LYRM1: variants seen among roughly 807,000 people sequenced by gnomAD.
LYRM1 encodes the protein LYR motif-containing protein 1.
A neutral mutation model predicts 14.9 loss-of-function variants in LYRM1; 14 were observed. The observed-to-expected ratio is 0.94, with a 90% CI of 0.62 to 1.47. The LOEUF (loss-of-function observed/expected upper bound fraction) is 1.47. LYRM1 is among the 40% of genes most tolerant of loss of function. LYRM1 has a pLI of 0.00. For missense variants in LYRM1, 153 were observed against 149.9 expected, an observed-to-expected ratio of 1.02 and a Z score of -0.11; for synonymous variants, 43 against 56.2, an observed-to-expected ratio of 0.77 and a Z score of 1.05.
rs891726038 is a variant in LYRM1, at chr16:20,906,233, A to G, written c.-1+5344A>G. Among the ~76,000 whole-genome samples, 9 of 152,310 alleles carry G rather than the reference A, an allele frequency of 5.9e-5. No individual in the cohort carries two copies. In the East Asian group the frequency reaches 1.7e-3, roughly 29 times the overall value. On this transcript the variant is annotated intron_variant, in intron 1 of 3. Transcript: ENST00000567954. ...GGGACACTGACCCAGCCCCAGTGTG[A>G]AAAGGGCACCCGTCCAGAAGTGATG...
intron 1 of LYRM1, among the ~76,000 whole-genome samples, chr16:20,909,004 A>G (rs776070740): frequency 6.6e-6 from 1 of 152,254 alleles, no homozygotes; most frequent in East Asian, 1.9e-4. Flanking sequence ...ATCACATAAA[A>G]TCTAAATCAC....
Position 20,924,665 on chromosome 16 carries a change from A to G in LYRM1, c.*549A>G, listed in dbSNP as rs2083367773. On this transcript the variant is annotated 3_prime_UTR_variant, in exon 4 of 4. Transcript: ENST00000567954. ...TGACCATGGTTTTTCATGAAATTTT[A>G]TGAGATTTCTGCCTTAACAAAATGC... is the stretch of plus-strand genomic sequence containing the variant. 1 of 152,262 alleles carries G rather than the reference A, an allele frequency of 6.6e-6. No individual in the cohort carries two copies. Among genetic ancestry groups the G allele is most frequent in the South Asian group, 2.1e-4 (1 of 4,834 alleles). The allele number at this position is 152,262 out of a possible 1,614,324, so 9.4% of individuals were successfully genotyped here.
intron 2 of LYRM1, among the ~76,000 whole-genome samples, chr16:20,918,654 C>G (rs1168510276): frequency 6.6e-6 from 1 of 152,176 alleles, no homozygotes; most frequent in Admixed American, 6.6e-5. Context: ...ATATCTTTGT[C>G]AAGGGCTTTT....
chr16:20,921,443 C>T (rs1000077534), intron 3 of LYRM1: 2 of 152,020 alleles, frequency 1.3e-5, no homozygotes, highest in African/African-American at 4.8e-5. Context: ...TACTCTGTCG[C>T]CCAGGCTGGA....
rs3841490 is a variant in LYRM1 at position 20,904,691 on chromosome 16, TTGTGTGTGTGTGTGTGTG to T, written c.-1+3820_-1+3837del. Among the ~76,000 whole-genome samples the T allele has an allele frequency of 5.3e-3, 750 of 141,146 alleles. 20 individuals carry two copies. Among genetic ancestry groups the T allele is most frequent in the Admixed American group, 0.048 (671 of 14,100 alleles). 92.6% of individuals were successfully genotyped at this position (141,146 alleles called of 152,430 possible). On this transcript the variant is annotated intron_variant, in intron 1 of 3. Coordinates refer to ENST00000567954, the MANE Select transcript of LYRM1 (RefSeq NM_001128302.3). ...TCTGAAACAGGAAATAAGTCTGTGG[TTGTGTGTGTGTGTGTGTG>T]TGTGTGTGTGTGTGTGTTTAATTGA...
intron 1 of LYRM1, among the ~76,000 whole-genome samples, chr16:20,908,865 T>C (rs192065609): frequency 4.9e-4 from 74 of 152,316 alleles, no homozygotes; most frequent in African/African-American, 1.8e-3. Context: ...GACAGAAGTA[T>C]GACATGGCAA....
In LYRM1 at chr16:20,924,945, T is replaced by C. The variant is rs2083377242; in HGVS notation, c.*829T>C. 6.6e-6 allele frequency: 1 copy of C among 152,210 alleles called. No individual in the cohort carries two copies. The highest frequency in any genetic ancestry group is 2.4e-5 in the African/African-American group (1 of 41,450). The allele number at this position is 152,210 out of a possible 1,614,324, so 9.4% of individuals were successfully genotyped here. ...CCTTGGTGAGTCATTTGTACATCAGTGTCATTTCTTCTTAACCTCTGAAGA... is the reference window on the plus strand; with the variant it reads ...CCTTGGTGAGTCATTTGTACATCAGCGTCATTTCTTCTTAACCTCTGAAGA... On this transcript the variant is annotated 3_prime_UTR_variant, in exon 4 of 4. Coordinates refer to ENST00000567954, the MANE Select transcript of LYRM1 (RefSeq NM_001128302.3).
chr16:20,903,060 A>T (rs1455587302), intron 1 of LYRM1, among the ~76,000 whole-genome samples: 1 of 152,208 alleles, frequency 6.6e-6, no homozygotes, highest in African/African-American at 2.4e-5. Flanking sequence ...GGCCATGGAT[A>T]AAGCTCTTCT....
At chr16:20,906,402 C>T (rs2082323305) in intron 1 of LYRM1, among the ~76,000 whole-genome samples, 1 of 152,184 alleles carries the variant, frequency 6.6e-6, no homozygotes, top group Non-Finnish European at 1.5e-5. Flanking sequence ...GATTCCCCCT[C>T]CTTGCTAAAA....
At chr16:20,914,517 GTCTTGA>G (rs1423839158) in intron 1 of LYRM1, among the ~76,000 whole-genome samples, 1 of 148,714 alleles carries the variant, frequency 6.7e-6, no homozygotes, top group Non-Finnish European at 1.5e-5. Context: ...GCCCAGGCTA[GTCTTGA>G]ACTCCCGAGG....
intron 1 of LYRM1, chr16:20,911,154 A>T (rs2082573095): frequency 6.6e-6 from 1 of 152,194 alleles, no homozygotes; most frequent in South Asian, 2.1e-4. Context: ...TATTGAATAT[A>T]ACTTTGGTCC....
Position 20,923,987 on chromosome 16 carries a change from T to C in LYRM1, c.253-13T>C. 1 of 1,389,776 alleles carries C rather than the reference T, an allele frequency of 7.2e-7. No homozygotes were observed. 86.1% of individuals were successfully genotyped at this position (1,389,776 alleles called of 1,614,324 possible). The stretch of plus-strand genomic sequence containing the variant: ...TGATGAATATGATTCTTCATATTAT[T>C]GTTCTTATTCAGATTCATCTGCCTC... On this transcript the variant is annotated splice_polypyrimidine_tract_variant and intron_variant, in intron 3 of 3. Coordinates refer to ENST00000567954, the MANE Select transcript of LYRM1 (RefSeq NM_001128302.3).
intron 1 of LYRM1, among the ~76,000 whole-genome samples, chr16:20,902,884 C>T (rs1436483236): frequency 3.9e-5 from 6 of 152,168 alleles, no homozygotes; most frequent in Non-Finnish European, 5.9e-5. Flanking sequence ...CATAAGGTAT[C>T]AGCCATACAA....
At position 20,915,571 on chromosome 16, in the gene LYRM1, C is replaced by G; in HGVS notation, c.16C>G (p.Arg6Gly). 1 of 1,613,804 alleles carries G rather than the reference C, an allele frequency of 6.2e-7. No homozygotes were observed. Among genetic ancestry groups the G allele is most frequent in the Non-Finnish European group, 8.5e-7 (1 of 1,179,908 alleles). Reference sequence around the variant, plus strand: ...GGGTCTGAAGATGACAACGGCAACACGACAAGAAGTCCTTGGCCTCTACCG... The same window carrying G: ...GGGTCTGAAGATGACAACGGCAACAGGACAAGAAGTCCTTGGCCTCTACCG... Reference protein sequence around the residue: MTTATRQEVLGLYRSI... With the variant: MTTATGQEVLGLYRSI... The change falls in exon 2 of 4, where the codon CGA becomes GGA. Residue 6 changes from arginine (R) to glycine (G), a missense_variant. Coordinates refer to ENST00000567954, the MANE Select transcript of LYRM1 (RefSeq NM_001128302.3).
At chr16:20,917,430 T>C (rs889019524) in intron 2 of LYRM1, among the ~76,000 whole-genome samples, 1 of 151,904 alleles carries the variant, frequency 6.6e-6, no homozygotes, top group East Asian at 1.9e-4. Flanking sequence ...TAAATACATA[T>C]ATGGGGCTGT....
At chr16:20,907,216 C>G (rs1005680596) in intron 1 of LYRM1, among the ~76,000 whole-genome samples, 1 of 152,186 alleles carries the variant, frequency 6.6e-6, no homozygotes, top group African/African-American at 2.4e-5. Context: ...GACCGTGTTA[C>G]TCCAGCTTGC....
intron 3 of LYRM1, among the ~76,000 whole-genome samples, chr16:20,923,194 T>C (rs935497153): frequency 3.3e-5 from 5 of 151,978 alleles, no homozygotes; most frequent in African/African-American, 1.2e-4. Context: ...GCCAATCAGA[T>C]TGACACAAAA....
intron 1 of LYRM1, among the ~76,000 whole-genome samples, chr16:20,907,362 T>C (rs1231054992): frequency 1.3e-5 from 2 of 152,130 alleles, no homozygotes; most frequent in Non-Finnish European, 2.9e-5. Flanking sequence ...TGTTCATCTT[T>C]TTTATTTTCA....
Position 20,913,706 on chromosome 16 carries a change from A to T in LYRM1, c.1-1850A>T, listed in dbSNP as rs190761487. On this transcript the variant is annotated intron_variant, in intron 1 of 3. Transcript: ENST00000567954. The stretch of plus-strand genomic sequence containing the variant: ...AAATACAATTAGCTTTACAGAATAT[A>T]CCTACGTCCGTTCTCTCTTGGCCAC... 1.8e-3 allele frequency among the ~76,000 whole-genome samples: 272 copies of T among 152,252 alleles called. 1 individual carries two copies. Among genetic ancestry groups the T allele is most frequent in the Middle Eastern group, 3.4e-3 (1 of 294 alleles).
Sources: gnomAD v4.1 joint callset for allele counts (sites outside exome capture counted in the v4.1 genomes callset) on GRCh38, gnomAD v4.1.1 for gene constraint, MANE v1.5 for transcripts, NCBI Gene and HGNC (gene_info 2026-07-23, HGNC 2026-07-21) for gene names.